Variants in ZBTB7C observed in about 807,000 individuals in gnomAD.
ZBTB7C encodes the protein zinc finger and BTB domain containing 7C, also known as zinc finger and BTB domain-containing protein 7C.
A neutral mutation model predicts 25.7 loss-of-function variants in ZBTB7C; 8 were observed. The ratio of observed to expected loss-of-function variants is 0.31; its 90% CI spans 0.18 to 0.56. ZBTB7C has a LOEUF of 0.56. Among genes scored for constraint, ZBTB7C ranks in the 20% least tolerant of loss-of-function variants. ZBTB7C has a pLI of 0.91. For synonymous variants in ZBTB7C, 394 were observed against 369.0 expected (o/e 1.07, Z -0.78); for missense variants, 824 against 855.2 (o/e 0.96, Z 0.46).
At position 48,328,135 on chromosome 18, in the gene ZBTB7C, T is replaced by C. The variant is rs1238118041; in HGVS notation, c.-79+10039A>G. ...AGGTGGAGCTTGCAGTGAGCCGAGA[T>C]TGCACCACTGCACTCCAGCCTGGGG... On this transcript the variant is annotated intron_variant, in intron 2 of 4. Coordinates refer to ENST00000590800, the MANE Select transcript of ZBTB7C (RefSeq NM_001318841.2). 2.7e-5 allele frequency among the ~76,000 whole-genome samples: 4 copies of C among 148,786 alleles called. No individual in the cohort carries two copies. The South Asian group carries it at 6.4e-4, about 24-fold the overall frequency.
intron 2 of ZBTB7C, among the ~76,000 whole-genome samples, chr18:48,306,905 C>T (rs1395301172): frequency 1.3e-5 from 2 of 152,168 alleles, no homozygotes; most frequent in Admixed American, 1.3e-4. Flanking sequence ...CATCGGAATT[C>T]TCTGAGGCAC....
intron 1 of ZBTB7C, among the ~76,000 whole-genome samples, chr18:48,394,345 G>A (rs886385040): frequency 2.0e-5 from 3 of 152,176 alleles, no homozygotes; most frequent in African/African-American, 4.8e-5. Flanking sequence ...AGTGATACTA[G>A]CTTGAAAGAG....
At chr18:48,071,859 A>C (rs1340890833) in intron 3 of ZBTB7C, among the ~76,000 whole-genome samples, 1 of 152,222 alleles carries the variant, frequency 6.6e-6, no homozygotes, top group African/African-American at 2.4e-5. Flanking sequence ...AACTTTGAGG[A>C]TATCAGGTTA....
At chr18:48,044,287 A>G (rs1568172645) in intron 3 of ZBTB7C, among the ~76,000 whole-genome samples, 1 of 152,204 alleles carries the variant, frequency 6.6e-6, no homozygotes, top group Admixed American at 6.5e-5. Flanking sequence ...TGAGGCTTCA[A>G]TGAGCTGTGC....
At chr18:48,115,862 C>T (rs2144691258) in intron 3 of ZBTB7C, among the ~76,000 whole-genome samples, 1 of 152,080 alleles carries the variant, frequency 6.6e-6, no homozygotes. Flanking sequence ...AATCTGCTCA[C>T]ATAATTCAGG....
At chr18:48,303,476 C>T (rs1334788522) in intron 2 of ZBTB7C, among the ~76,000 whole-genome samples, 1 of 152,222 alleles carries the variant, frequency 6.6e-6, no homozygotes, top group Non-Finnish European at 1.5e-5. Flanking sequence ...TGAGCAGGTT[C>T]CTGACACTAC....
At chr18:48,381,952 A>G (rs946007422) in intron 1 of ZBTB7C, among the ~76,000 whole-genome samples, 3 of 152,234 alleles carry the variant, frequency 2.0e-5, no homozygotes, top group Admixed American at 2.0e-4. Context: ...GACCAGGCTC[A>G]ATGTCAATTG....
At chr18:48,402,264 TA>T (rs34563418) in intron 1 of ZBTB7C, among the ~76,000 whole-genome samples, 13,596 of 130,870 alleles carry the variant, frequency 0.1, 655 homozygotes, top group Admixed American at 0.16. Context: ...TATTTTTAGG[TA>T]AAAAAAAAAA....
chr18:48,376,884 C>G (rs1363939816), intron 1 of ZBTB7C, among the ~76,000 whole-genome samples: 1 of 152,250 alleles, frequency 6.6e-6, no homozygotes, highest in African/African-American at 2.4e-5. Flanking sequence ...GGCCTTCTGC[C>G]TCTGGTGCAC....
chr18:48,397,077 T>C (rs558917190), intron 1 of ZBTB7C, among the ~76,000 whole-genome samples: 2 of 152,360 alleles, frequency 1.3e-5, no homozygotes, highest in African/African-American at 4.8e-5. Flanking sequence ...GGCACTGGAC[T>C]AAAATAAACG....
intron 1 of ZBTB7C, among the ~76,000 whole-genome samples, chr18:48,404,485 G>A (rs564732412): frequency 2.6e-5 from 4 of 152,316 alleles, no homozygotes; most frequent in Admixed American, 6.5e-5. Flanking sequence ...ACAAGGGAGT[G>A]GCCTGGTCTG....
chr18:48,136,858 T>A (rs981473284), intron 3 of ZBTB7C: 1 of 737,654 alleles, frequency 1.4e-6, no homozygotes, highest in Admixed American at 6.3e-5. Flanking sequence ...GGCCACAGGG[T>A]CCCCGCAGCG....
chr18:48,191,288 G>A (rs2042188817), intron 2 of ZBTB7C, among the ~76,000 whole-genome samples: 1 of 152,152 alleles, frequency 6.6e-6, no homozygotes, highest in African/African-American at 2.4e-5. Context: ...CTCCCAGGAG[G>A]CCATGATGCT....
chr18:48,323,754 T>C (rs1401568664), intron 2 of ZBTB7C, among the ~76,000 whole-genome samples: 1 of 152,124 alleles, frequency 6.6e-6, no homozygotes, highest in East Asian at 1.9e-4. Context: ...GGCAGTTCAG[T>C]TGTCAATGAG....
intron 2 of ZBTB7C, among the ~76,000 whole-genome samples, chr18:48,292,279 C>T (rs774055552): frequency 5.3e-5 from 8 of 152,156 alleles, no homozygotes; most frequent in Non-Finnish European, 8.8e-5. Flanking sequence ...CATAATTCCT[C>T]GTTAAAGCAA....
rs1378187562 is a variant in ZBTB7C, at chr18:48,316,959, G to GA, written c.-79+21214dup. 5.3e-5 allele frequency among the ~76,000 whole-genome samples: 8 copies of GA among 152,270 alleles called. No individual in the cohort carries two copies. In the South Asian group the frequency reaches 1.7e-3, roughly 32 times the overall value. ...GAGAATTGTGTGAAATAATTCACGC[G>GA]AACTTGTCTTGCACATAGAAGACAC... is the stretch of plus-strand genomic sequence containing the variant. On this transcript the variant is annotated intron_variant, in intron 2 of 4. Coordinates refer to ENST00000590800, the MANE Select transcript of ZBTB7C (RefSeq NM_001318841.2).
At chr18:48,401,935 T>A (rs2048168016) in intron 1 of ZBTB7C, among the ~76,000 whole-genome samples, 1 of 152,110 alleles carries the variant, frequency 6.6e-6, no homozygotes, top group South Asian at 2.1e-4. Flanking sequence ...TTCATGCCCT[T>A]CTTCCCAGGA....
intron 3 of ZBTB7C, among the ~76,000 whole-genome samples, chr18:48,177,561 G>A (rs1019906211): frequency 6.6e-5 from 10 of 151,916 alleles, no homozygotes; most frequent in African/African-American, 1.4e-4. Flanking sequence ...GGGTGTGTGC[G>A]TGTGTGTGTG....
chr18:48,062,793 G>A (rs1303064384), intron 3 of ZBTB7C, among the ~76,000 whole-genome samples: 1 of 152,218 alleles, frequency 6.6e-6, no homozygotes, highest in Non-Finnish European at 1.5e-5. Flanking sequence ...GCTGGACAGG[G>A]CCTTTTATGG....
Sources: gnomAD v4.1 joint callset for allele counts (sites outside exome capture counted in the v4.1 genomes callset) on GRCh38, gnomAD v4.1.1 for gene constraint, MANE v1.5 for transcripts, NCBI Gene and HGNC (gene_info 2026-07-23, HGNC 2026-07-21) for gene names.